HBEGF: variants seen among roughly 807,000 people sequenced by gnomAD.
The protein encoded by HBEGF is heparin binding EGF like growth factor.
HBEGF carries 8 observed loss-of-function variants against 19.5 expected under a neutral mutation model. That is an observed-to-expected ratio of 0.41 (90% CI 0.24 to 0.74). The LOEUF (loss-of-function observed/expected upper bound fraction) is 0.74, where lower values mean the gene tolerates loss of function less well. Among genes scored for constraint, HBEGF ranks in the 30% least tolerant of loss-of-function variants. HBEGF has a pLI of 0.32. For synonymous variants in HBEGF, 97 were observed against 108.9 expected (o/e 0.89, Z 0.68); for missense variants, 207 against 256.9 (o/e 0.81, Z 1.33).
At chr5:140,343,805 G>T (rs765555987) in intron 2 of HBEGF, among the ~76,000 whole-genome samples, 2 of 152,208 alleles carry the variant, frequency 1.3e-5, no homozygotes, top group Non-Finnish European at 2.9e-5. Context: ...TGATACGTTA[G>T]ACTAGAGACT....
Position 140,346,415 on chromosome 5 carries a change from G to T in HBEGF, c.-87C>A. 1 of 1,448,354 alleles carries T rather than the reference G, an allele frequency of 6.9e-7. No individual in the cohort carries two copies. The allele number at this position is 1,448,354 out of a possible 1,614,324, so 89.7% of individuals were successfully genotyped here. On this transcript the variant is annotated 5_prime_UTR_variant, in exon 1 of 6. Transcript: ENST00000230990. The surrounding 1 kb of genome is among the most constrained non-coding windows in gnomAD (Gnocchi z 6.1). ...GCTGGCACCAGAGCTGGGCGGCGGA[G>T]CTCAGGAGATTCCGCCGGGCACCGT...
chr5:140,337,403 G>T (rs2237078), intron 3 of HBEGF, among the ~76,000 whole-genome samples: 13 of 152,086 alleles, frequency 8.5e-5, no homozygotes, highest in Admixed American at 2.6e-4. Context: ...CATCCAGCCA[G>T]GGGGCACAGT....
chr5:140,342,763 C>A lies in HBEGF; in HGVS notation c.270G>T (p.Glu90Asp). ...PQALATPNKE[E>D]HGKRKKKGKG... ...TGCCTTTCTTCTTTCTTTTCCCGTG[C>A]TCCTCCTTGTTTGGTGTGGCCAGTG... The change falls in exon 3 of 6, where the codon GAG (glutamate) becomes GAT (aspartate). Residue 90 changes from glutamate (E) to aspartate (D), a missense_variant. Transcript: ENST00000230990. 6.2e-7 allele frequency: 1 copy of A among 1,614,176 alleles called. No individual in the cohort carries two copies. The highest frequency in any genetic ancestry group is 1.1e-5 in the South Asian group (1 of 91,078).
intron 3 of HBEGF, among the ~76,000 whole-genome samples, chr5:140,338,911 G>A (rs901388668): frequency 1.3e-5 from 2 of 152,232 alleles, no homozygotes; most frequent in South Asian, 2.1e-4. Flanking sequence ...CGTCTGGATG[G>A]AGGAGACTGA....
intron 3 of HBEGF, among the ~76,000 whole-genome samples, chr5:140,337,628 G>A (rs1331948012): frequency 6.6e-6 from 1 of 152,176 alleles, no homozygotes; most frequent in Admixed American, 6.5e-5. Flanking sequence ...GCCAGGCTGG[G>A]TGGTACTGCA....
intron 3 of HBEGF, among the ~76,000 whole-genome samples, chr5:140,336,640 A>G (rs1766231499): frequency 6.6e-6 from 1 of 152,178 alleles, no homozygotes. Context: ...TGGGAGCTCA[A>G]CTCTGGCCTT....
chr5:140,346,427 C>A lies in HBEGF; in HGVS notation c.-99G>T. 7.5e-7 allele frequency: 1 copy of A among 1,329,982 alleles called. No individual in the cohort carries two copies. Among genetic ancestry groups the A allele is most frequent in the Non-Finnish European group, 1.0e-6 (1 of 957,570 alleles). 82.4% of individuals were successfully genotyped at this position (1,329,982 alleles called of 1,614,324 possible). On this transcript the variant is annotated 5_prime_UTR_variant, in exon 1 of 6. Transcript: ENST00000230990. This position sits in a 1 kb window ranked among gnomAD's most constrained non-coding sequence, Gnocchi z 6.1. Reference sequence around the variant, plus strand: ...GCTGGGCGGCGGAGCTCAGGAGATTCCGCCGGGCACCGTCTGCCGCCCGCC... The same window carrying A: ...GCTGGGCGGCGGAGCTCAGGAGATTACGCCGGGCACCGTCTGCCGCCCGCC...
At chr5:140,337,130 T>C (rs1462226440) in intron 3 of HBEGF, among the ~76,000 whole-genome samples, 3 of 152,210 alleles carry the variant, frequency 2.0e-5, no homozygotes, top group Admixed American at 1.3e-4. Context: ...CACACCGGGC[T>C]GGCAACTGCC....
At chr5:140,337,054 C>T (rs1766239617) in intron 3 of HBEGF, among the ~76,000 whole-genome samples, 1 of 152,062 alleles carries the variant, frequency 6.6e-6, no homozygotes. Flanking sequence ...TGGTCTCAAA[C>T]TCCTGACCTC....
chr5:140,336,610 C>G (rs903918078), intron 3 of HBEGF, among the ~76,000 whole-genome samples: 18 of 152,218 alleles, frequency 1.2e-4, no homozygotes, highest in African/African-American at 4.3e-4. Context: ...TCCAGCTCCC[C>G]CTGGGTGCAG....
intron 3 of HBEGF, among the ~76,000 whole-genome samples, chr5:140,337,181 C>T (rs1180141616): frequency 2.6e-5 from 4 of 152,196 alleles, no homozygotes; most frequent in Admixed American, 6.5e-5. Flanking sequence ...CTTAGAAAGA[C>T]TCAGACGTGC....
At chr5:140,342,510 T>C in intron 3 of HBEGF, 125 bp downstream of exon 3, 1 of 953,242 alleles carries the variant, frequency 1.0e-6, no homozygotes, top group Non-Finnish European at 1.6e-6. Context: ...TCCTCCCAAC[T>C]TCCGCCCAGA....
chr5:140,339,935 G>A (rs1766282939), intron 3 of HBEGF, among the ~76,000 whole-genome samples: 1 of 152,174 alleles, frequency 6.6e-6, no homozygotes, highest in Non-Finnish European at 1.5e-5. Flanking sequence ...GCTGCTTTCT[G>A]CCCTGAGTAG....
Position 140,336,065 on chromosome 5 carries a change from G to A in HBEGF, c.399-38C>T, listed in dbSNP as rs773049059. On this transcript the variant is annotated intron_variant, in intron 3 of 5. Transcript: ENST00000230990. The stretch of plus-strand genomic sequence containing the variant: ...AGAACAAGAAGGAGATGGAGTTAGT[G>A]CTTTGGCCTCTCTTGGCAATGGCCC... The A allele has an allele frequency of 1.7e-5, 27 of 1,600,778 alleles. No individual in the cohort carries two copies. In the Admixed American group the frequency reaches 4.4e-4, roughly 26 times the overall value.
In HBEGF at chr5:140,333,409, T is replaced by A; in HGVS notation, c.*890A>T. 1 of 152,832 alleles carries A rather than the reference T, an allele frequency of 6.5e-6. No homozygotes were observed. The highest frequency in any genetic ancestry group is 6.5e-5 in the Admixed American group (1 of 15,288). The allele number at this position is 152,832 out of a possible 1,614,324, so 9.5% of individuals were successfully genotyped here. A position where few individuals can be genotyped will look rare whatever the true frequency, so the allele number is the denominator to read the frequency against. On this transcript the variant is annotated 3_prime_UTR_variant, in exon 6 of 6. Coordinates refer to ENST00000230990, the MANE Select transcript of HBEGF (RefSeq NM_001945.3). Reference sequence around the variant, plus strand: ...CTAGGCAAGACTGAAGTCCAACTCATAGAGTGGCTCTGACCAAGTTAACCC... The same window carrying A: ...CTAGGCAAGACTGAAGTCCAACTCAAAGAGTGGCTCTGACCAAGTTAACCC...
intron 2 of HBEGF, 136 bp from the exon 3 acceptor site, chr5:140,342,948 T>C (rs1766337404): frequency 1.2e-6 from 1 of 815,186 alleles, no homozygotes; most frequent in Non-Finnish European, 2.0e-6. Flanking sequence ...GCTCAGTGCC[T>C]CCTAAGAGGC....
chr5:140,341,864 C>T (rs927384337), intron 3 of HBEGF, among the ~76,000 whole-genome samples: 2 of 152,192 alleles, frequency 1.3e-5, no homozygotes, highest in Non-Finnish European at 2.9e-5. Flanking sequence ...TGAGGGGTTG[C>T]CAAGGCAGCC....
In HBEGF at chr5:140,345,897, G is replaced by A. The variant is rs371617125; in HGVS notation, c.220+14C>T. 26 of 1,613,818 alleles carry A rather than the reference G, an allele frequency of 1.6e-5. No individual in the cohort carries two copies. The highest frequency in any genetic ancestry group is 1.7e-4 in the Middle Eastern group (1 of 6,060). ...GCCCACCAAGGTCCAAGGATGGGGG[G>A]CCTCCACACCCACCTCTCAAAAGGT... is the stretch of plus-strand genomic sequence containing the variant. On this transcript the variant is annotated intron_variant, in intron 2 of 5. Coordinates refer to ENST00000230990, the MANE Select transcript of HBEGF (RefSeq NM_001945.3).
intron 4 of HBEGF, 184 bp from the exon 5 acceptor site, chr5:140,334,932 CA>C (rs1330008761): frequency 2.3e-5 from 14 of 616,342 alleles, no homozygotes; most frequent in Non-Finnish European, 3.2e-5. Context: ...TCTCTAATAG[CA>C]GGATGCAATT....
Sources: gnomAD v4.1 joint callset for allele counts (sites outside exome capture counted in the v4.1 genomes callset) on GRCh38, gnomAD v4.1.1 for gene constraint, Gnocchi (gnomAD v3.1) non-coding constraint, MANE v1.5 for transcripts, NCBI Gene and HGNC (gene_info 2026-07-23, HGNC 2026-07-21) for gene names.